Variants in ATP10B observed in about 807,000 individuals in gnomAD.
ATP10B encodes the protein phospholipid-transporting ATPase VB.
Under a neutral mutation model 141.2 loss-of-function variants are expected in ATP10B, and 122 were observed. That is an observed-to-expected ratio of 0.86 (90% confidence interval 0.75 to 1.00). ATP10B has a LOEUF of 1.00. Among genes scored for constraint, ATP10B ranks in the 50% least tolerant of loss-of-function variants. The probability of loss-of-function intolerance (pLI) is 0.00; values close to 1 mark genes in which losing one functional copy is unlikely to be tolerated. For missense variants in ATP10B, 1,876 were observed against 1,825.3 expected, an observed-to-expected ratio of 1.03 and a Z score of -0.51; for synonymous variants, 685 against 692.0, an observed-to-expected ratio of 0.99 and a Z score of 0.16.
At chr5:160,736,896 T>C (rs1031814278) in intron 2 of ATP10B, among the ~76,000 whole-genome samples, 2 of 152,334 alleles carry the variant, frequency 1.3e-5, no homozygotes, top group Admixed American at 1.3e-4. Flanking sequence ...GAATACCTCC[T>C]AACTCATTCT....
At chr5:160,773,454 G>A (rs1770053679) in intron 2 of ATP10B, among the ~76,000 whole-genome samples, 1 of 152,142 alleles carries the variant, frequency 6.6e-6, no homozygotes, top group Non-Finnish European at 1.5e-5. Context: ...TTGGCGAGGT[G>A]GTTTCTGGGG....
rs1294444838 is a variant in ATP10B at position 160,785,574 on chromosome 5, C to CA, written c.-347dup. Reference sequence around the variant, plus strand: ...AAGATAGTACCTGATAGGTAGATTTCAAGTCTTGTTCCTCTTTCTCCTTCC... The same window carrying CA: ...AAGATAGTACCTGATAGGTAGATTTCAAAGTCTTGTTCCTCTTTCTCCTTCC... On this transcript the variant is annotated 5_prime_UTR_variant, in exon 2 of 26. The change creates a premature stop within an existing upstream ORF in the 5' untranslated region. Transcript: ENST00000327245. 4 of 864,860 alleles carry CA rather than the reference C, an allele frequency of 4.6e-6. No individual in the cohort carries two copies. Among genetic ancestry groups the CA allele is most frequent in the Non-Finnish European group, 6.6e-6 (4 of 601,760 alleles). 53.6% of individuals were successfully genotyped at this position (864,860 alleles called of 1,614,324 possible).
chr5:160,650,603 T>C (rs1000049944), intron 7 of ATP10B, among the ~76,000 whole-genome samples: 53 of 152,182 alleles, frequency 3.5e-4, no homozygotes, highest in African/African-American at 1.2e-3. Context: ...GATAAAGTAA[T>C]CACCTCAGCA....
chr5:160,815,509 A>G (rs1383725002), intron 1 of ATP10B, among the ~76,000 whole-genome samples: 2 of 152,194 alleles, frequency 1.3e-5, no homozygotes, highest in East Asian at 1.9e-4. Flanking sequence ...GAGACCTACA[A>G]AGAGACTTAG....
At chr5:160,762,685 T>C (rs545567744) in intron 2 of ATP10B, among the ~76,000 whole-genome samples, 1 of 151,654 alleles carries the variant, frequency 6.6e-6, no homozygotes, top group East Asian at 1.9e-4. Flanking sequence ...AGACAACAAC[T>C]AGCATAATGA....
At chr5:160,803,190 G>A (rs938365786) in intron 1 of ATP10B, among the ~76,000 whole-genome samples, 5 of 152,110 alleles carry the variant, frequency 3.3e-5, no homozygotes, top group Admixed American at 3.3e-4. Context: ...TGTTGAAGGA[G>A]GATGTTGTCA....
intron 6 of ATP10B, among the ~76,000 whole-genome samples, chr5:160,684,185 A>C (rs1200062309): frequency 6.6e-6 from 1 of 152,176 alleles, no homozygotes; most frequent in South Asian, 2.1e-4. Context: ...CCAAAAACAG[A>C]GTTAGTGATG....
intron 2 of ATP10B, among the ~76,000 whole-genome samples, chr5:160,742,236 A>T (rs193141106): frequency 6.6e-6 from 1 of 152,322 alleles, no homozygotes; most frequent in Non-Finnish European, 1.5e-5. Flanking sequence ...TCTCATGGTT[A>T]GTAAATGGCA....
intron 7 of ATP10B, among the ~76,000 whole-genome samples, chr5:160,664,942 G>A (rs1762232640): frequency 6.6e-6 from 1 of 152,170 alleles, no homozygotes; most frequent in Non-Finnish European, 1.5e-5. Context: ...TTACAGAAGA[G>A]GTTTCAGGTA....
At chr5:160,622,606 TGA>T (rs778266937) in intron 13 of ATP10B, 21 bp from the exon 14 acceptor site, 6 of 1,597,358 alleles carry the variant, frequency 3.8e-6, no homozygotes, top group East Asian at 2.2e-5. Context: ...AAGGCCAGAA[TGA>T]GAGTCTTTTC....
At chr5:160,812,055 A>AGAGAGAGAGG (rs1554119662) in intron 1 of ATP10B, among the ~76,000 whole-genome samples, 4 of 124,194 alleles carry the variant, frequency 3.2e-5, no homozygotes, top group South Asian at 2.5e-4. Context: ...AGAGAGAGAG[A>AGAGAGAGAGG]GAGAGGGAGA....
At chr5:160,775,132 GC>G (rs1770197854) in intron 2 of ATP10B, among the ~76,000 whole-genome samples, 3 of 152,186 alleles carry the variant, frequency 2.0e-5, no homozygotes, top group African/African-American at 4.8e-5. Flanking sequence ...ACTAGCCGTG[GC>G]CGTGTTTATC....
chr5:160,920,987 A>G, the ATP10B span, among the ~76,000 whole-genome samples: 1 of 152,198 alleles, frequency 6.6e-6, no homozygotes, highest in East Asian at 1.9e-4. Context: ...TTATTAATCA[A>G]TTATAATGAA....
chr5:160,615,919 C>T lies in ATP10B; in HGVS notation c.2572G>A (p.Glu858Lys). The T allele has an allele frequency of 6.2e-7, 1 of 1,613,938 alleles. No individual in the cohort carries two copies. The highest frequency in any genetic ancestry group is 1.1e-5 in the South Asian group (1 of 91,046). ...DFRRWASFRR[E>K]AEASLDNRDE... is the part of the protein sequence containing the mutation. ...CGGTTGTCGAGGGATGCCTCAGCCT[C>T]ACGCCGGAAACTGGCCCATCTCCGG... The change falls in exon 17 of 26, where the codon GAG becomes AAG. Residue 858 changes from glutamate (E) to lysine (K), a missense_variant. Coordinates refer to ENST00000327245, the MANE Select transcript of ATP10B (RefSeq NM_025153.3).
In ATP10B at chr5:160,620,947, T is replaced by C; in HGVS notation, c.1816A>G (p.Thr606Ala). 7 of 1,608,926 alleles carry C rather than the reference T, an allele frequency of 4.4e-6. No individual in the cohort carries two copies. The highest frequency in any genetic ancestry group is 5.9e-6 in the Non-Finnish European group (7 of 1,177,122). Residue 606 changes from threonine to alanine, a missense_variant, in exon 15 of 26, where the codon ACC becomes GCC. By Grantham distance (58) the Thr-to-Ala change is moderately conservative (BLOSUM62 0). Coordinates refer to ENST00000327245, the MANE Select transcript of ATP10B (RefSeq NM_025153.3). ...AGAGCCTTGCTTGAGGGTTTGATGG[T>C]GACCTTGTGGCCAAAGAAGGAAAGT... ...STTTEPRQRV[T>A]IKPSSKALGT...
intron 1 of ATP10B, among the ~76,000 whole-genome samples, chr5:160,792,428 C>T (rs1167833559): frequency 6.6e-6 from 1 of 152,120 alleles, no homozygotes; most frequent in Non-Finnish European, 1.5e-5. Flanking sequence ...AGTCAAGTCT[C>T]TTTTGTGGTT....
intron 1 of ATP10B, among the ~76,000 whole-genome samples, chr5:160,796,822 C>T (rs1771980204): frequency 1.3e-5 from 2 of 151,740 alleles, no homozygotes. Context: ...AGAAGGGAAT[C>T]CAGAGGAGGG....
chr5:160,896,564 T>A, the ATP10B span, among the ~76,000 whole-genome samples: 1 of 152,034 alleles, frequency 6.6e-6, no homozygotes, highest in African/African-American at 2.4e-5. Flanking sequence ...AGCCTATTAA[T>A]CAAAAAAAGC....
chr5:160,629,555 A>G (rs190475583), intron 13 of ATP10B, among the ~76,000 whole-genome samples: 210 of 152,318 alleles, frequency 1.4e-3, no homozygotes, highest in Non-Finnish European at 2.6e-3. Context: ...CAACAACTGT[A>G]TTTCATGGAA....
Sources: allele counts gnomAD v4.1 joint callset (sites outside exome capture counted in the v4.1 genomes callset), GRCh38; gene constraint gnomAD v4.1.1; transcripts MANE v1.5; gene names NCBI Gene and HGNC (gene_info 2026-07-23, HGNC 2026-07-21).